GABRG3: variants seen among roughly 807,000 people sequenced by gnomAD.
The protein encoded by GABRG3 is gamma-aminobutyric acid type A receptor subunit gamma3.
GABRG3 carries 25 observed loss-of-function variants against 48.8 expected under a neutral mutation model. That is an observed-to-expected ratio of 0.51 (90% CI 0.37 to 0.72). The LOEUF (loss-of-function observed/expected upper bound fraction) is 0.72, where lower values mean the gene tolerates loss of function less well. GABRG3 is among the 30% of genes least tolerant of loss of function. GABRG3 has a pLI of 0.00. For synonymous variants in GABRG3, 227 were observed against 217.6 expected, an observed-to-expected ratio of 1.04 and a Z score of -0.38; for missense variants, 394 against 577.9, an observed-to-expected ratio of 0.68 and a Z score of 3.26.
At chr15:27,483,002 ATAT>A (rs1306113890) in intron 6 of GABRG3, 1 of 152,260 alleles carries the variant, frequency 6.6e-6, no homozygotes, top group Non-Finnish European at 1.5e-5. Context: ...AATATCAAAA[ATAT>A]TATTTATGAC....
intron 5 of GABRG3, among the ~76,000 whole-genome samples, chr15:27,361,080 A>C (rs1895007707): frequency 6.6e-6 from 1 of 152,228 alleles, no homozygotes. Flanking sequence ...AAGCCCTGGC[A>C]AGGGGCAGGC....
At chr15:27,233,032 C>A (rs1484092195) in intron 3 of GABRG3, among the ~76,000 whole-genome samples, 3 of 152,178 alleles carry the variant, frequency 2.0e-5, no homozygotes, top group Non-Finnish European at 2.9e-5. Flanking sequence ...AGGCCCCAGG[C>A]ACCTCCTCTT....
intron 3 of GABRG3, among the ~76,000 whole-genome samples, chr15:27,182,693 A>G (rs946410441): frequency 5.3e-5 from 8 of 152,114 alleles, no homozygotes; most frequent in Admixed American, 2.0e-4. Context: ...CCGCCAAGCA[A>G]AGAGATTTGT....
intron 5 of GABRG3, among the ~76,000 whole-genome samples, chr15:27,372,156 A>G (rs1895434913): frequency 6.6e-6 from 1 of 151,992 alleles, no homozygotes. Context: ...TGTATGTTTC[A>G]TATGAGATAT....
chr15:27,194,131 A>T (rs1473798140), intron 3 of GABRG3, among the ~76,000 whole-genome samples: 1 of 152,232 alleles, frequency 6.6e-6, no homozygotes, highest in Non-Finnish European at 1.5e-5. Context: ...AAATTATAAC[A>T]GTCTCAATGT....
intron 3 of GABRG3, among the ~76,000 whole-genome samples, chr15:27,041,582 T>G (rs1330588723): frequency 1.3e-5 from 2 of 152,260 alleles, no homozygotes; most frequent in African/African-American, 2.4e-5. Flanking sequence ...CAGTAAATTC[T>G]TAATTGAACA....
At chr15:27,409,072 C>G (rs1887721471) in intron 5 of GABRG3, among the ~76,000 whole-genome samples, 1 of 151,728 alleles carries the variant, frequency 6.6e-6, no homozygotes, top group Non-Finnish European at 1.5e-5. Flanking sequence ...TCTTTTTATC[C>G]TAATACCAGG....
At chr15:27,320,562 A>C (rs1229961034) in intron 3 of GABRG3, among the ~76,000 whole-genome samples, 1 of 152,154 alleles carries the variant, frequency 6.6e-6, no homozygotes, top group African/African-American at 2.4e-5. Flanking sequence ...TAAACTTCTA[A>C]AAACTATTTA....
intron 2 of GABRG3, among the ~76,000 whole-genome samples, chr15:27,002,701 G>A (rs7173428): frequency 0.052 from 7,286 of 141,220 alleles, 594 homozygotes; most frequent in African/African-American, 0.18. Context: ...TTAAGGCCAG[G>A]AGTTTGAGAG....
intron 3 of GABRG3, among the ~76,000 whole-genome samples, chr15:27,199,781 C>T (rs1331504687): frequency 1.3e-5 from 2 of 152,144 alleles, no homozygotes; most frequent in Non-Finnish European, 1.5e-5. Flanking sequence ...TACCTAGTCT[C>T]AGATATTTCT....
At chr15:27,306,694 TTATA>T (rs1020729003) in intron 3 of GABRG3, among the ~76,000 whole-genome samples, 4 of 126,784 alleles carry the variant, frequency 3.2e-5, no homozygotes, top group East Asian at 2.2e-4. Flanking sequence ...ATGAACATGT[TTATA>T]TATAAACATA....
chr15:27,004,776 T>C (rs1466986885), intron 2 of GABRG3, among the ~76,000 whole-genome samples: 1 of 152,248 alleles, frequency 6.6e-6, no homozygotes, highest in African/African-American at 2.4e-5. Context: ...AATGCAGAAA[T>C]TTTTTACCTG....
chr15:27,026,866 T>G (rs1895993109), intron 3 of GABRG3, 45 bp downstream of exon 3: 2 of 1,327,838 alleles, frequency 1.5e-6, no homozygotes, highest in Non-Finnish European at 2.1e-6. Context: ...GTTGCACCTC[T>G]TCTTGTTACA....
At chr15:27,037,176 G>A (rs1478693664) in intron 3 of GABRG3, among the ~76,000 whole-genome samples, 3 of 152,172 alleles carry the variant, frequency 2.0e-5, no homozygotes, top group East Asian at 1.9e-4. Context: ...CCTTGATCTC[G>A]GCCTTCCACC....
chr15:27,387,758 C>G (rs1408891133), intron 5 of GABRG3, among the ~76,000 whole-genome samples: 1 of 137,304 alleles, frequency 7.3e-6, no homozygotes, highest in Non-Finnish European at 1.5e-5. Context: ...GTCACCTCTG[C>G]TCATGACAGT....
chr15:27,446,283 A>G (rs538729851), intron 5 of GABRG3, among the ~76,000 whole-genome samples: 9 of 152,326 alleles, frequency 5.9e-5, no homozygotes. Context: ...AACATAGTAT[A>G]CCTTTTCATT....
At chr15:27,261,728 T>G (rs1207366498) in intron 3 of GABRG3, among the ~76,000 whole-genome samples, 1 of 152,116 alleles carries the variant, frequency 6.6e-6, no homozygotes, top group African/African-American at 2.4e-5. Context: ...CTGGCGTATT[T>G]CCATCTGTGG....
chr15:27,366,956 G>A (rs1287533496), intron 5 of GABRG3, among the ~76,000 whole-genome samples: 2 of 152,102 alleles, frequency 1.3e-5, no homozygotes, highest in Admixed American at 6.5e-5. Context: ...TCCTACTATG[G>A]GGGCATCGGG....
intron 2 of GABRG3, among the ~76,000 whole-genome samples, chr15:27,007,779 G>A (rs923529748): frequency 4.6e-5 from 7 of 151,986 alleles, no homozygotes; most frequent in African/African-American, 1.7e-4. Flanking sequence ...TTGCTGGTTT[G>A]TTTAATTTCC....
Sources: gnomAD v4.1 joint callset for allele counts (sites outside exome capture counted in the v4.1 genomes callset) on GRCh38, gnomAD v4.1.1 for gene constraint, MANE v1.5 for transcripts, NCBI Gene and HGNC (gene_info 2026-07-23, HGNC 2026-07-21) for gene names.